The following HEXB variants were observed in gnomAD, a reference collection of about 807,000 sequenced individuals.
HEXB encodes the protein hexosaminidase subunit beta.
A neutral mutation model predicts 71.2 loss-of-function variants in HEXB; 51 were observed. The observed-to-expected ratio is 0.72, with a 90% CI of 0.57 to 0.90. The LOEUF (loss-of-function observed/expected upper bound fraction) is 0.90, where lower values mean the gene tolerates loss of function less well. HEXB is among the 40% of genes least tolerant of loss of function. The probability of loss-of-function intolerance (pLI) is 0.00; values close to 1 mark genes in which losing one functional copy is unlikely to be tolerated. For missense variants in HEXB, 617 were observed against 677.0 expected, an observed-to-expected ratio of 0.91 and a Z score of 0.98; for synonymous variants, 266 against 249.3, an observed-to-expected ratio of 1.07 and a Z score of -0.63.
At chr5:74,650,379 A>G (rs577346655) in intron 1 of HEXB, among the ~76,000 whole-genome samples, 1 of 152,340 alleles carries the variant, frequency 6.6e-6, no homozygotes, top group East Asian at 1.9e-4. Flanking sequence ...TTAAAAGCAA[A>G]TGATGTTTAC....
intron 1 of HEXB, among the ~76,000 whole-genome samples, chr5:74,667,066 G>A (rs1416690185): frequency 6.6e-6 from 1 of 152,134 alleles, no homozygotes; most frequent in African/African-American, 2.4e-5. Flanking sequence ...ATATTACAGT[G>A]AAAGGGAATC....
chr5:74,693,702 G>A lies in HEXB; in HGVS notation c.509G>A (p.Arg170Gln), dbSNP rs759538325. The A allele has an allele frequency of 2.4e-5, 38 of 1,609,878 alleles. No homozygotes were observed. Among genetic ancestry groups the A allele is most frequent in the Non-Finnish European group, 3.1e-5 (37 of 1,176,156 alleles). Residue 170 changes from arginine to glutamine, a missense_variant and splice_region_variant, in exon 3 of 14, where the codon CGA (arginine) becomes CAA (glutamine). Physicochemically the swap from Arg to Gln is conservative, Grantham distance 43. Transcript: ENST00000261416. ...GCCAACAGAGTTTGGGGAGCATTACGAGGTAAGTTCCATGCAGTTTCATTG... is the reference window on the plus strand; with the variant it reads ...GCCAACAGAGTTTGGGGAGCATTACAAGGTAAGTTCCATGCAGTTTCATTG... ...LKANRVWGAL[R>Q]GLETFSQLVY...
intron 7 of HEXB, among the ~76,000 whole-genome samples, chr5:74,714,082 G>A (rs1419763740): frequency 1.3e-5 from 2 of 152,176 alleles, no homozygotes; most frequent in Admixed American, 6.5e-5. Context: ...TGATCGGCCC[G>A]CCTCGGCCTC....
At chr5:74,664,729 G>GA (rs528901100) in intron 1 of HEXB, among the ~76,000 whole-genome samples, 18 of 152,040 alleles carry the variant, frequency 1.2e-4, no homozygotes, top group African/African-American at 4.3e-4. Flanking sequence ...GGGAGAGAGG[G>GA]AAAAAAATCT....
At chr5:74,691,435 T>C (rs2112132772) in intron 2 of HEXB, among the ~76,000 whole-genome samples, 1 of 152,292 alleles carries the variant, frequency 6.6e-6, no homozygotes, top group East Asian at 1.9e-4. Flanking sequence ...AATAGAGGAA[T>C]GGCTAAATAC....
rs1202697459 is a variant in HEXB at position 74,641,932 on chromosome 5, C to T, written c.-377+1374C>T. On this transcript the variant is annotated intron_variant, in intron 1 of 13. Transcript: ENST00000511181. The surrounding 1 kb of genome is among the most constrained non-coding windows in gnomAD (Gnocchi z 4.1). ...ACTTAGCAACAATGTCCCAGCTCTG[C>T]AGCTCGAGAGTGAGGGCCCCACGAC... 6.6e-6 allele frequency among the ~76,000 whole-genome samples: 1 copy of T among 152,182 alleles called. No individual in the cohort carries two copies. Among genetic ancestry groups the T allele is most frequent in the Non-Finnish European group, 1.5e-5 (1 of 68,026 alleles).
At chr5:74,702,534 C>T (rs1411501837) in intron 5 of HEXB, among the ~76,000 whole-genome samples, 1 of 152,200 alleles carries the variant, frequency 6.6e-6, no homozygotes, top group Non-Finnish European at 1.5e-5. Flanking sequence ...CAGTGCTTAT[C>T]AGGTGACACA....
chr5:74,685,117 TG>T, upstream of HEXB: 1 of 872,018 alleles, frequency 1.1e-6, no homozygotes, highest in Non-Finnish European at 1.6e-6. Context: ...TCCCGGGGCC[TG>T]GAGGCGGAGT....
chr5:74,706,854 C>A (rs1404408578), intron 6 of HEXB, among the ~76,000 whole-genome samples: 1 of 152,200 alleles, frequency 6.6e-6, no homozygotes, highest in Non-Finnish European at 1.5e-5. Flanking sequence ...CTGTAGGCTC[C>A]ACCTCTGGGG....
At chr5:74,650,925 C>CAAAAAAAAAAAAAAAAA (rs34224491) in intron 1 of HEXB, among the ~76,000 whole-genome samples, 1 of 95,506 alleles carries the variant, frequency 1.0e-5, no homozygotes, top group Non-Finnish European at 2.1e-5. Context: ...GACTCTGTCT[C>CAAAAAAAAAAAAAAAAA]AAAAAAAAAA....
chr5:74,718,395 A>G (rs1749728270), intron 10 of HEXB, 32 bp downstream of exon 10: 1 of 1,450,504 alleles, frequency 6.9e-7, no homozygotes, highest in Middle Eastern at 1.7e-4. Flanking sequence ...TCTGATCAAT[A>G]TAAGAGACTT....
Position 74,695,579 on chromosome 5 carries a change from G to A in HEXB, c.512-1114G>A, listed in dbSNP as rs535607191. ...AGCAAGGCTGGGCACGGTGGCTCAC[G>A]CCTGTAATCCCAGCACTTTGGGAGG... On this transcript the variant is annotated intron_variant, in intron 3 of 13. Coordinates refer to ENST00000261416, the MANE Select transcript of HEXB (RefSeq NM_000521.4). Among the ~76,000 whole-genome samples the A allele has an allele frequency of 3.3e-4, 49 of 149,722 alleles. No homozygotes were observed. In the South Asian group the frequency reaches 0.01, roughly 32 times the overall value.
At chr5:74,685,597 GA>G in intron 1 of HEXB, 38 bp downstream of exon 1, 2 of 1,514,240 alleles carry the variant, frequency 1.3e-6, no homozygotes, top group Admixed American at 2.3e-5. Flanking sequence ...TGTCCTGGGG[GA>G]GGGGAGAGGC....
chr5:74,691,056 A>G (rs1302909030), intron 2 of HEXB, among the ~76,000 whole-genome samples: 4 of 152,224 alleles, frequency 2.6e-5, no homozygotes, highest in African/African-American at 9.6e-5. Flanking sequence ...TCGAGACTAG[A>G]GAGTCATAGC....
chr5:74,670,212 C>T (rs1748506942), intron 1 of HEXB, among the ~76,000 whole-genome samples: 1 of 151,920 alleles, frequency 6.6e-6, no homozygotes, highest in South Asian at 2.1e-4. Flanking sequence ...CTCATGCCCA[C>T]CTGTGAGTGG....
At chr5:74,649,107 G>C (rs1020124421) in intron 1 of HEXB, among the ~76,000 whole-genome samples, 3 of 152,220 alleles carry the variant, frequency 2.0e-5, no homozygotes, top group Non-Finnish European at 4.4e-5. Context: ...AGCCACTCTT[G>C]CTGTCATAGC....
rs1419809809 is a variant in HEXB, at chr5:74,641,749, A to G, written c.-377+1191A>G. Among the ~76,000 whole-genome samples, 2 of 152,216 alleles carry G rather than the reference A, an allele frequency of 1.3e-5. No individual in the cohort carries two copies. The highest frequency in any genetic ancestry group is 4.8e-5 in the African/African-American group (2 of 41,456). ...ACGAATCCCATTTATCTTTGCAACT[A>G]GAGGCTTGTCTTTCCACTGGGAGTT... is the stretch of plus-strand genomic sequence containing the variant. On this transcript the variant is annotated intron_variant, in intron 1 of 13. Coordinates refer to the HEXB transcript ENST00000511181. This position sits in a 1 kb window ranked among gnomAD's most constrained non-coding sequence, Gnocchi z 4.1.
intron 1 of HEXB, among the ~76,000 whole-genome samples, chr5:74,672,649 A>T (rs1220874725): frequency 1.3e-5 from 2 of 152,238 alleles, no homozygotes; most frequent in African/African-American, 2.4e-5. Context: ...ACTGACAGCA[A>T]TGCCCTCTTA....
Position 74,641,836 on chromosome 5 carries a change from C to A in HEXB, c.-377+1278C>A, listed in dbSNP as rs564378016. Among the ~76,000 whole-genome samples, 1 of 152,234 alleles carries A rather than the reference C, an allele frequency of 6.6e-6. No individual in the cohort carries two copies. The highest frequency in any genetic ancestry group is 2.4e-5 in the African/African-American group (1 of 41,540). On this transcript the variant is annotated intron_variant, in intron 1 of 13. Coordinates refer to the HEXB transcript ENST00000511181. This position sits in a 1 kb window ranked among gnomAD's most constrained non-coding sequence, Gnocchi z 4.1. ...TCTATAAATGAACGGGATAGATGAC[C>A]GGTCCAGCCCCCTTGTTTTACAGGT...
Sources: gnomAD v4.1 joint callset for allele counts (sites outside exome capture counted in the v4.1 genomes callset) on GRCh38, gnomAD v4.1.1 for gene constraint, Gnocchi (gnomAD v3.1) non-coding constraint, MANE v1.5 for transcripts, NCBI Gene and HGNC (gene_info 2026-07-23, HGNC 2026-07-21) for gene names.